The following ZNF157 variants were observed in gnomAD, a reference collection of about 807,000 sequenced individuals.
ZNF157 encodes zinc finger protein 157.
In ZNF157, 8 loss-of-function variants were observed where a neutral mutation model predicts 9.4. The ratio of observed to expected loss-of-function variants is 0.85; its 90% CI spans 0.50 to 1.53. The LOEUF (loss-of-function observed/expected upper bound fraction) is 1.53. Ranked by LOEUF, ZNF157 falls within the 40% of genes most tolerant of loss-of-function variation. The probability of loss-of-function intolerance (pLI) is 0.00; values close to 1 mark genes in which losing one functional copy is unlikely to be tolerated. For missense variants in ZNF157, 316 were observed against 385.2 expected, an observed-to-expected ratio of 0.82 and a Z score of 1.50; for synonymous variants, 120 against 130.8, an observed-to-expected ratio of 0.92 and a Z score of 0.56.
rs1391940304 is a variant in ZNF157, at chrX:47,413,551, T to C, written c.1478T>C (p.Ile493Thr). The C allele has an allele frequency of 5.0e-6, 6 of 1,208,277 alleles. No individual in the cohort carries two copies. The highest frequency in any genetic ancestry group is 3.0e-5 in the East Asian group (1 of 33,759). ...CTCACAGAACATCAGAGAACTCACATAGGCTGGTCCTGGCGTTGTACAATG... is the reference window on the plus strand; with the variant it reads ...CTCACAGAACATCAGAGAACTCACACAGGCTGGTCCTGGCGTTGTACAATG... ...AHLTEHQRTHIGWSWRCTMKK... is the reference protein window; with the variant it reads ...AHLTEHQRTHTGWSWRCTMKK... Residue 493 changes from isoleucine (I) to threonine (T), a missense_variant, in exon 4 of 4, where the codon ATA (isoleucine) becomes ACA (threonine). Ile to Thr is a moderately conservative substitution (Grantham distance 89, BLOSUM62 -1). Around this residue, in one of 3 missense-constraint regions of ZNF157, gnomAD observed 167 missense variants for 183.6 expected, o/e 0.91. Coordinates refer to ENST00000377073, the MANE Select transcript of ZNF157 (RefSeq NM_003446.4).
At chrX:47,385,401 T>G (rs996461080) in intron 1 of ZNF157, among the ~76,000 whole-genome samples, 4 of 111,351 alleles carry the variant, frequency 3.6e-5, no homozygotes, top group Non-Finnish European at 7.5e-5. Context: ...GAGCTAAATA[T>G]TCACATGATG....
intron 1 of ZNF157, among the ~76,000 whole-genome samples, chrX:47,395,641 C>T (rs778829180): frequency 6.2e-5 from 7 of 112,264 alleles, no homozygotes; most frequent in Non-Finnish European, 1.1e-4. Context: ...GATGCTCACA[C>T]TTTCCCCTGA....
chrX:47,393,152 C>CAA (rs61498630), intron 1 of ZNF157, among the ~76,000 whole-genome samples: 2,963 of 95,735 alleles, frequency 0.031, 105 homozygotes, highest in African/African-American at 0.099. Flanking sequence ...GAGACTGTCT[C>CAA]AAAAAAAAAA....
At chrX:47,405,776 A>T (rs11091196) in intron 1 of ZNF157, among the ~76,000 whole-genome samples, 2 of 110,844 alleles carry the variant, frequency 1.8e-5, no homozygotes, top group African/African-American at 6.6e-5. Flanking sequence ...GTAATCAAAT[A>T]CATTTGTCTT....
At position 47,413,285 on chromosome X, in the gene ZNF157, T is replaced by A. The variant is rs2055972291; in HGVS notation, c.1212T>A (p.His404Gln). 8.3e-7 allele frequency: 1 copy of A among 1,209,869 alleles called. No homozygotes were observed. The highest frequency in any genetic ancestry group is 1.7e-5 in the African/African-American group (1 of 57,192). Residue 404 changes from histidine to glutamine, a missense_variant, in exon 4 of 4, where the codon CAT (histidine) becomes CAA (glutamine). By Grantham distance (24) the His-to-Gln change is conservative. Coordinates refer to ENST00000377073, the MANE Select transcript of ZNF157 (RefSeq NM_003446.4). ...AFYVKARLIE[H>Q]QRMHSGEKPY... is the part of the protein sequence containing the mutation. The stretch of plus-strand genomic sequence containing the variant: ...ATGTGAAAGCACGCCTAATTGAACA[T>A]CAGAGGATGCATTCAGGAGAGAAAC...
intron 1 of ZNF157, among the ~76,000 whole-genome samples, chrX:47,406,691 C>T (rs1315454816): frequency 5.3e-5 from 6 of 112,377 alleles, no homozygotes; most frequent in South Asian, 3.6e-4. Context: ...TGATTGACTT[C>T]GATGAGTTGA....
At chrX:47,400,113 C>T (rs1569259695) in intron 1 of ZNF157, among the ~76,000 whole-genome samples, 1 of 108,431 alleles carries the variant, frequency 9.2e-6, no homozygotes, top group Non-Finnish European at 1.9e-5. Context: ...TCTCGTGCCT[C>T]AGCCTCCCAA....
intron 1 of ZNF157, among the ~76,000 whole-genome samples, chrX:47,397,902 T>G (rs967184655): frequency 3.6e-5 from 4 of 111,216 alleles, no homozygotes; most frequent in Non-Finnish European, 7.6e-5. Context: ...CAGAGACCCC[T>G]ACACCAGTGG....
chrX:47,387,927 C>T lies in ZNF157; in HGVS notation c.72+17187C>T, dbSNP rs1242551323. Among the ~76,000 whole-genome samples, 5 of 101,830 alleles carry T rather than the reference C, an allele frequency of 4.9e-5. No individual in the cohort carries two copies. The South Asian group carries it at 1.9e-3, about 38-fold the overall frequency. 88.4% of individuals were successfully genotyped at this position (101,830 alleles called of 115,157 possible). The stretch of plus-strand genomic sequence containing the variant: ...AAAAAAAAGAATTACAATGCTTCTA[C>T]GGAGAAATCAATAATTCATTTATAG... On this transcript the variant is annotated intron_variant, in intron 1 of 3. Coordinates refer to ENST00000377073, the MANE Select transcript of ZNF157 (RefSeq NM_003446.4).
chrX:47,381,320 G>A (rs761390094), intron 1 of ZNF157, among the ~76,000 whole-genome samples: 9 of 110,897 alleles, frequency 8.1e-5, no homozygotes, highest in African/African-American at 2.3e-4. Context: ...GGGTTTGAGG[G>A]GGGGTGCTCT....
intron 1 of ZNF157, among the ~76,000 whole-genome samples, chrX:47,371,230 C>T (rs942959516): frequency 9.1e-6 from 1 of 109,491 alleles, no homozygotes; most frequent in Non-Finnish European, 1.9e-5. Flanking sequence ...CCCAGCTACT[C>T]GGGAGGTTGA....
At chrX:47,379,113 GT>G (rs1173860763) in intron 1 of ZNF157, among the ~76,000 whole-genome samples, 19 of 106,413 alleles carry the variant, frequency 1.8e-4, no homozygotes, top group South Asian at 4.0e-4. Flanking sequence ...ACAACGTACT[GT>G]TTTTTTTTTC....
At chrX:47,382,145 A>T (rs930358733) in intron 1 of ZNF157, among the ~76,000 whole-genome samples, 4 of 110,517 alleles carry the variant, frequency 3.6e-5, no homozygotes, top group Non-Finnish European at 5.7e-5. Context: ...ATGAAACAAC[A>T]GGGCAGAGGA....
intron 1 of ZNF157, among the ~76,000 whole-genome samples, chrX:47,394,603 A>C (rs1202609251): frequency 1.8e-5 from 2 of 111,790 alleles, no homozygotes; most frequent in African/African-American, 6.5e-5. Flanking sequence ...AATTCTGTTA[A>C]GTTTTCTGCC....
intron 1 of ZNF157, among the ~76,000 whole-genome samples, chrX:47,397,902 T>A (rs967184655): frequency 9.0e-6 from 1 of 111,216 alleles, no homozygotes; most frequent in African/African-American, 3.3e-5. Context: ...CAGAGACCCC[T>A]ACACCAGTGG....
At chrX:47,385,715 G>A (rs1305395497) in intron 1 of ZNF157, among the ~76,000 whole-genome samples, 2 of 109,748 alleles carry the variant, frequency 1.8e-5, no homozygotes, top group African/African-American at 3.3e-5. Flanking sequence ...TTACAGGTGC[G>A]TGCCACTACG....
At chrX:47,409,244 C>T (rs187530196) in intron 1 of ZNF157, among the ~76,000 whole-genome samples, 90 of 112,439 alleles carry the variant, frequency 8.0e-4, no homozygotes, top group Non-Finnish European at 1.6e-3. Flanking sequence ...GCTCCAGCCT[C>T]ATCCCAGCTG....
chrX:47,397,193 C>T (rs1462835266), intron 1 of ZNF157, among the ~76,000 whole-genome samples: 1 of 106,602 alleles, frequency 9.4e-6, no homozygotes, highest in Non-Finnish European at 1.9e-5. Context: ...CAGGCCTACT[C>T]TTCTTTATCT....
At chrX:47,405,433 C>T (rs1255371171) in intron 1 of ZNF157, among the ~76,000 whole-genome samples, 2 of 109,588 alleles carry the variant, frequency 1.8e-5, no homozygotes, top group East Asian at 5.7e-4. Flanking sequence ...CCCCATGTTC[C>T]AATCACTTCC....
Sources: gnomAD v4.1 joint callset for allele counts (sites outside exome capture counted in the v4.1 genomes callset) on GRCh38, gnomAD v4.1.1 for gene constraint, gnomAD v4.1.1 regional missense constraint, MANE v1.5 for transcripts, NCBI Gene and HGNC (gene_info 2026-07-23, HGNC 2026-07-21) for gene names.